Variants in SMG1 observed in about 807,000 individuals in gnomAD.
The protein encoded by SMG1 is SMG1 nonsense mediated mRNA decay associated PI3K related kinase.
A neutral mutation model predicts 419.9 loss-of-function variants in SMG1; 22 were observed. The observed-to-expected ratio is 0.05, with a 90% confidence interval of 0.04 to 0.07. The LOEUF is 0.07. Ranked by LOEUF, SMG1 falls within the 10% of genes least tolerant of loss-of-function variation. SMG1 has a pLI of 1.00. For missense variants in SMG1, 3,185 were observed against 4,342.0 expected (o/e 0.73, Z 7.49); for synonymous variants, 1,538 against 1,553.5 (o/e 0.99, Z 0.23).
At chr16:18,882,383 T>C (rs759017733) in intron 9 of SMG1, 45 bp from the exon 10 acceptor site, 12 of 1,079,094 alleles carry the variant, frequency 1.1e-5, no homozygotes, top group Middle Eastern at 6.6e-4. Flanking sequence ...TACATTGTTT[T>C]AAATAAAAAA....
intron 53 of SMG1, 39 bp from the exon 54 acceptor site, chr16:18,829,794 A>T: frequency 1.9e-6 from 3 of 1,543,808 alleles, no homozygotes; most frequent in Non-Finnish European, 1.8e-6. Flanking sequence ...CATGAAAAAA[A>T]TCAGGTAATA....
intron 56 of SMG1, among the ~76,000 whole-genome samples, chr16:18,819,271 G>C (rs1256175715): frequency 6.6e-6 from 1 of 152,136 alleles, no homozygotes; most frequent in Admixed American, 6.5e-5. Context: ...TTTCAACAGA[G>C]GCTGAATTTA....
intron 6 of SMG1, among the ~76,000 whole-genome samples, chr16:18,887,516 C>CTTTGTTTTTTTTTTTT (rs749197007): frequency 0.021 from 2,332 of 109,960 alleles, 183 homozygotes; most frequent in Admixed American, 0.037. Context: ...TTTTTTTTTC[C>CTTTGTTTTTTTTTTTT]TTTTTTTTTT....
intron 60 of SMG1, among the ~76,000 whole-genome samples, chr16:18,812,649 C>T (rs148570660): frequency 7.3e-5 from 9 of 123,824 alleles, no homozygotes; most frequent in African/African-American, 2.3e-4. Flanking sequence ...TACACATATA[C>T]ACACACACAC....
intron 3 of SMG1, among the ~76,000 whole-genome samples, chr16:18,893,063 T>C (rs1453664538): frequency 6.6e-6 from 1 of 152,118 alleles, no homozygotes; most frequent in Non-Finnish European, 1.5e-5. Context: ...ACGGATAAAG[T>C]CTCAATCAAG....
chr16:18,868,260 C>T lies in SMG1; in HGVS notation c.3125G>A (p.Gly1042Asp). ...LSIMRVGLLA[G>D]QPAVTVRHGF... is the part of the protein sequence containing the mutation. ...ATGTCTCACTGTCACTGCAGGCTGG[C>T]CTGCCAACAATCCTACCCTCATGAT... The change falls in exon 22 of 63, where the codon GGC becomes GAC. Residue 1042 changes from glycine (G) to aspartate (D), a missense_variant. Coordinates refer to ENST00000446231, the MANE Select transcript of SMG1 (RefSeq NM_015092.5). The T allele has an allele frequency of 6.5e-7, 1 of 1,530,720 alleles. No homozygotes were observed. The highest frequency in any genetic ancestry group is 2.4e-5 in the East Asian group (1 of 42,460). The allele number at this position is 1,530,720 out of a possible 1,614,324, so 94.8% of individuals were successfully genotyped here. A position where few individuals can be genotyped will look rare whatever the true frequency, so the allele number is the denominator to read the frequency against.
chr16:18,891,321 A>G (rs1336032102), intron 4 of SMG1, among the ~76,000 whole-genome samples: 3 of 152,214 alleles, frequency 2.0e-5, no homozygotes, highest in Non-Finnish European at 4.4e-5. Context: ...TCAACTTGCT[A>G]TATATTTGAA....
rs2033465405 is a variant in SMG1, at chr16:18,835,053, T to C, written c.8169A>G (p.Arg2723=). 3.1e-6 allele frequency: 5 copies of C among 1,613,996 alleles called. No individual in the cohort carries two copies. The East Asian group carries it at 1.1e-4, about 36-fold the overall frequency. ...YAADINSRLI[R]QVERLKQEAV... ...CTTCCTGTTTCAAGCGTTCCACTTG[T>C]CTAATAAGTCTGCTGTTGATGTCTG... Residue 2723 remains arginine, a synonymous_variant, in exon 49 of 63, where the codon AGA becomes AGG. Transcript: ENST00000446231.
At chr16:18,814,656 C>G (rs2031820070) in intron 60 of SMG1, among the ~76,000 whole-genome samples, 1 of 151,888 alleles carries the variant, frequency 6.6e-6, no homozygotes, top group Non-Finnish European at 1.5e-5. Flanking sequence ...CTCACCGTAA[C>G]CTCCACCTCC....
chr16:18,861,192 A>G (rs1040463753), intron 25 of SMG1: 1 of 112,186 alleles, frequency 8.9e-6, no homozygotes, highest in African/African-American at 3.3e-5. Context: ...GCCCTTGCAC[A>G]GCTCTCCCAG....
chr16:18,908,784 G>A (rs897732359), intron 1 of SMG1, among the ~76,000 whole-genome samples: 4 of 151,912 alleles, frequency 2.6e-5, no homozygotes, highest in Admixed American at 1.3e-4. Context: ...GGAGGCTGAG[G>A]TAGGAGAATG....
chr16:18,885,917 G>T (rs1019240894), intron 6 of SMG1, among the ~76,000 whole-genome samples: 9 of 151,936 alleles, frequency 5.9e-5, no homozygotes, highest in African/African-American at 2.2e-4. Context: ...CTGCACTCCA[G>T]CCTGGACAAT....
rs777924199 is a variant in SMG1, at chr16:18,806,885, A to C, written c.*2684T>G. 2.6e-5 allele frequency: 4 copies of C among 152,238 alleles called. No homozygotes were observed. Among genetic ancestry groups the C allele is most frequent in the Non-Finnish European group, 5.9e-5 (4 of 68,042 alleles). 9.4% of individuals were successfully genotyped at this position (152,238 alleles called of 1,614,324 possible). ...AGTCTAACTGCTGAGGTCTCTTACGAAAGTTCAAATGGCAAGTCACCTTGT... is the reference window on the plus strand; with the variant it reads ...AGTCTAACTGCTGAGGTCTCTTACGCAAGTTCAAATGGCAAGTCACCTTGT... On this transcript the variant is annotated 3_prime_UTR_variant, in exon 63 of 63. Transcript: ENST00000446231.
At chr16:18,919,985 G>C (rs1285782954) in intron 1 of SMG1, among the ~76,000 whole-genome samples, 1 of 151,852 alleles carries the variant, frequency 6.6e-6, no homozygotes, top group Non-Finnish European at 1.5e-5. Context: ...CAGCTACTCG[G>C]GAGGCTGAGG....
chr16:18,917,911 T>C (rs2038039098), intron 1 of SMG1, among the ~76,000 whole-genome samples: 1 of 151,762 alleles, frequency 6.6e-6, no homozygotes, highest in Non-Finnish European at 1.5e-5. Context: ...AGATTTAATC[T>C]TCCTAAATTG....
chr16:18,830,381 C>A lies in SMG1; in HGVS notation c.8793-12G>T. 6.2e-7 allele frequency: 1 copy of A among 1,613,510 alleles called. No individual in the cohort carries two copies. The highest frequency in any genetic ancestry group is 1.1e-5 in the South Asian group (1 of 91,062). ...GAGCATGTAGTAGTCTACAGAAAAA[C>A]AAAAGGAGTTAAAACCTTCGCTGAA... On this transcript the variant is annotated splice_polypyrimidine_tract_variant and intron_variant, in intron 51 of 62. Transcript: ENST00000446231.
In SMG1 at chr16:18,835,097, T is replaced by C. The variant is rs2033469300; in HGVS notation, c.8125A>G (p.Thr2709Ala). ...ATGTCTGCTGCGTATCGCTGCAGGG[T>C]CATTTCAGTGGCAGTGATGAACTGA... is the stretch of plus-strand genomic sequence containing the variant. ...VCQFITATEM[T>A]LQRYAADINS... Residue 2709 changes from threonine to alanine, a missense_variant, in exon 49 of 63, where the codon ACC becomes GCC. Thr to Ala is a moderately conservative substitution (Grantham distance 58, BLOSUM62 0). Around this residue, in one of 27 missense-constraint regions of SMG1, gnomAD observed 412 missense variants for 546.6 expected, o/e 0.75. Coordinates refer to ENST00000446231, the MANE Select transcript of SMG1 (RefSeq NM_015092.5). 1 of 1,613,920 alleles carries C rather than the reference T, an allele frequency of 6.2e-7. No homozygotes were observed. Among genetic ancestry groups the C allele is most frequent in the Non-Finnish European group, 8.5e-7 (1 of 1,179,846 alleles).
At chr16:18,909,667 G>GA (rs1179680752) in intron 1 of SMG1, among the ~76,000 whole-genome samples, 1 of 152,168 alleles carries the variant, frequency 6.6e-6, no homozygotes, top group Non-Finnish European at 1.5e-5. Context: ...ATCAAATACT[G>GA]AAAAAGGAAG....
In SMG1 at chr16:18,876,214, A is replaced by T. The variant is rs1430897721; in HGVS notation, c.1800T>A (p.His600Gln). ...ATTTTGCATTGTCTACATTGAACAC[A>T]TGATTCTTAAAAGCCTCATGTTTTA... ...SEIKHEAFKN[H>Q]VFNVDNAKFV... Residue 600 changes from histidine (H) to glutamine (Q), a missense_variant, in exon 13 of 63, where the codon CAT becomes CAA. By Grantham distance (24) the His-to-Gln change is conservative (BLOSUM62 0). This residue lies in a region of SMG1 where 297 missense variants were observed against 491.0 expected (regional missense o/e 0.60). Coordinates refer to ENST00000446231, the MANE Select transcript of SMG1 (RefSeq NM_015092.5). 51 of 1,611,708 alleles carry T rather than the reference A, an allele frequency of 3.2e-5. No homozygotes were observed. The highest frequency in any genetic ancestry group is 4.2e-5 in the Non-Finnish European group (50 of 1,179,704).
Sources: allele counts gnomAD v4.1 joint callset (sites outside exome capture counted in the v4.1 genomes callset), GRCh38; gene constraint gnomAD v4.1.1; regional missense constraint gnomAD v4.1.1; transcripts MANE v1.5; gene names NCBI Gene and HGNC (gene_info 2026-07-23, HGNC 2026-07-21).